Variants in HDAC1 observed in about 807,000 individuals in gnomAD.
HDAC1 encodes the protein histone deacetylase 1, also known as protein deacetylase HDAC1.
A neutral mutation model predicts 65.5 loss-of-function variants in HDAC1; 18 were observed. The ratio of observed to expected loss-of-function variants is 0.27; its 90% CI spans 0.19 to 0.41. HDAC1 has a LOEUF of 0.41. Among genes scored for constraint, HDAC1 ranks in the 10% least tolerant of loss-of-function variants. The pLI, the probability that HDAC1 is intolerant of heterozygous loss-of-function variation, is 1.00. For missense variants in HDAC1, 373 were observed against 625.2 expected (o/e 0.60, Z 4.30); for synonymous variants, 211 against 227.9 (o/e 0.93, Z 0.67).
intron 2 of HDAC1, among the ~76,000 whole-genome samples, chr1:32,312,179 C>T (rs893796506): frequency 6.6e-6 from 1 of 151,952 alleles, no homozygotes; most frequent in African/African-American, 2.4e-5. Flanking sequence ...CAGTATCTGT[C>T]GTTCAGTCTT....
chr1:32,306,851 C>A (rs1021950853), intron 2 of HDAC1, among the ~76,000 whole-genome samples: 1 of 152,072 alleles, frequency 6.6e-6, no homozygotes, highest in African/African-American at 2.4e-5. Context: ...TACATACATA[C>A]CTCTGATAAA....
At chr1:32,301,443 C>G (rs1424010242) in intron 1 of HDAC1, among the ~76,000 whole-genome samples, 3 of 146,138 alleles carry the variant, frequency 2.1e-5, no homozygotes, top group Non-Finnish European at 4.5e-5. Context: ...GAGACTCTGT[C>G]TCAAAAAAAT....
At chr1:32,294,601 A>G (rs1569996386) in intron 1 of HDAC1, among the ~76,000 whole-genome samples, 1 of 133,096 alleles carries the variant, frequency 7.5e-6, no homozygotes, top group Non-Finnish European at 1.5e-5. Context: ...TGCAAGCTCC[A>G]CCTCCCGGGT....
intron 1 of HDAC1, among the ~76,000 whole-genome samples, chr1:32,301,338 C>T (rs536427682): frequency 6.6e-6 from 1 of 152,010 alleles, no homozygotes. Context: ...CCCAGCTACT[C>T]GGGAGGCTGA....
In HDAC1 at chr1:32,327,963, A is replaced by G. The variant is rs1387900869; in HGVS notation, c.636+286A>G. On this transcript the variant is annotated intron_variant, in intron 6 of 13. Coordinates refer to ENST00000373548, the MANE Select transcript of HDAC1 (RefSeq NM_004964.3). The surrounding 1 kb of genome is among the most constrained non-coding windows in gnomAD (Gnocchi z 6.0). Reference sequence around the variant, plus strand: ...CTATTCTTATGTCTCATAAGCCTTGAGTTTGGGGGTAGGAATTGGGACTCT... The same window carrying G: ...CTATTCTTATGTCTCATAAGCCTTGGGTTTGGGGGTAGGAATTGGGACTCT... Among the ~76,000 whole-genome samples the G allele has an allele frequency of 2.6e-5, 4 of 152,030 alleles. No homozygotes were observed. Among genetic ancestry groups the G allele is most frequent in the Non-Finnish European group, 5.9e-5 (4 of 68,006 alleles).
rs977087712 is a variant in HDAC1 at position 32,306,665 on chromosome 1, G to T, written c.162+3932G>T. On this transcript the variant is annotated intron_variant, in intron 2 of 13. Coordinates refer to ENST00000373548, the MANE Select transcript of HDAC1 (RefSeq NM_004964.3). ...AGGTCTATGTAGATCTGATTCTGTTGTTTGTTGTTGTTTCTGTAGGATCCT... is the reference window on the plus strand; with the variant it reads ...AGGTCTATGTAGATCTGATTCTGTTTTTTGTTGTTGTTTCTGTAGGATCCT... Among the ~76,000 whole-genome samples, 4 of 151,934 alleles carry T rather than the reference G, an allele frequency of 2.6e-5. No individual in the cohort carries two copies. In the East Asian group the frequency reaches 7.7e-4, roughly 29 times the overall value.
At chr1:32,315,550 A>T (rs974868923) in intron 2 of HDAC1, among the ~76,000 whole-genome samples, 3 of 151,084 alleles carry the variant, frequency 2.0e-5, no homozygotes, top group African/African-American at 7.3e-5. Flanking sequence ...ACCAGATTTC[A>T]TCATATTGGT....
Position 32,327,296 on chromosome 1 carries a change from A to T in HDAC1, c.494+219A>T, listed in dbSNP as rs951264749. The T allele has an allele frequency of 3.2e-6, 2 of 618,058 alleles. No homozygotes were observed. The highest frequency in any genetic ancestry group is 5.7e-6 in the Non-Finnish European group (2 of 351,462). 38.3% of individuals were successfully genotyped at this position (618,058 alleles called of 1,614,324 possible). On this transcript the variant is annotated intron_variant, in intron 5 of 13. Coordinates refer to ENST00000373548, the MANE Select transcript of HDAC1 (RefSeq NM_004964.3). The surrounding 1 kb of genome is among the most constrained non-coding windows in gnomAD (Gnocchi z 6.0). ...GATGCTGCTCAGATCCTGCCTCCAG[A>T]GTGTCCCTGTGTGGCTGGAGTTGAC...
At chr1:32,302,268 G>C (rs1640858509) in intron 1 of HDAC1, among the ~76,000 whole-genome samples, 1 of 152,096 alleles carries the variant, frequency 6.6e-6, no homozygotes, top group Non-Finnish European at 1.5e-5. Context: ...ATTCTGAGTA[G>C]CGATGGTTAT....
intron 3 of HDAC1, among the ~76,000 whole-genome samples, chr1:32,317,377 A>G (rs77164299): frequency 1.7e-3 from 253 of 152,292 alleles, no homozygotes; most frequent in African/African-American, 5.6e-3. Context: ...GGGAAAAAAA[A>G]AGTATTCAAA....
At chr1:32,317,792 T>C (rs1641085002) in intron 3 of HDAC1, among the ~76,000 whole-genome samples, 1 of 152,202 alleles carries the variant, frequency 6.6e-6, no homozygotes, top group Non-Finnish European at 1.5e-5. Flanking sequence ...GCCTTTCCTG[T>C]AGATGGCTTT....
Position 32,330,346 on chromosome 1 carries a change from G to T in HDAC1, c.730-232G>T. The T allele has an allele frequency of 2.0e-6, 1 of 500,392 alleles. No individual in the cohort carries two copies. Among genetic ancestry groups the T allele is most frequent in the Non-Finnish European group, 3.6e-6 (1 of 274,742 alleles). The allele number at this position is 500,392 out of a possible 1,614,324, so 31.0% of individuals were successfully genotyped here. A position where few individuals can be genotyped will look rare whatever the true frequency, so the allele number is the denominator to read the frequency against. On this transcript the variant is annotated intron_variant, in intron 7 of 13. Transcript: ENST00000373548. This position sits in a 1 kb window ranked among gnomAD's most constrained non-coding sequence, Gnocchi z 4.2. ...GGAGTTGAGAGGGAGGCCATTCTAG[G>T]TTCAGTGTTACTAGAGTGTTAGAAG...
chr1:32,311,360 C>G (rs562062362), intron 2 of HDAC1, among the ~76,000 whole-genome samples: 1 of 152,048 alleles, frequency 6.6e-6, no homozygotes, highest in South Asian at 2.1e-4. Context: ...CCCAGCTACT[C>G]AGGAGTCTGA....
At chr1:32,306,506 G>C (rs1173993704) in intron 2 of HDAC1, among the ~76,000 whole-genome samples, 1 of 152,154 alleles carries the variant, frequency 6.6e-6, no homozygotes, top group Admixed American at 6.6e-5. Context: ...GCCTGGGCTA[G>C]AGTGCAGTGG....
chr1:32,332,963 T>C, intron 13 of HDAC1, 54 bp from the exon 14 acceptor site: 6 of 1,587,266 alleles, frequency 3.8e-6, no homozygotes, highest in Non-Finnish European at 4.3e-6. Flanking sequence ...TCTGCACTTT[T>C]GCCCTGAGGC....
intron 2 of HDAC1, among the ~76,000 whole-genome samples, chr1:32,315,439 A>G (rs377287215): frequency 5.3e-5 from 8 of 151,098 alleles, no homozygotes; most frequent in Non-Finnish European, 1.2e-4. Flanking sequence ...TGCAACCTCC[A>G]CCTCCCAGGT....
chr1:32,309,516 C>A (rs1640959752), intron 2 of HDAC1, among the ~76,000 whole-genome samples: 1 of 151,816 alleles, frequency 6.6e-6, no homozygotes, highest in African/African-American at 2.4e-5. Context: ...GTGAAACCCT[C>A]TCTCTACTAA....
intron 1 of HDAC1, among the ~76,000 whole-genome samples, chr1:32,294,164 A>G (rs1640735796): frequency 6.6e-6 from 1 of 151,674 alleles, no homozygotes; most frequent in Non-Finnish European, 1.5e-5. Context: ...ATTTTTTGAG[A>G]TGATGTCTAG....
At chr1:32,306,800 A>G (rs1640916799) in intron 2 of HDAC1, among the ~76,000 whole-genome samples, 1 of 152,154 alleles carries the variant, frequency 6.6e-6, no homozygotes, top group Non-Finnish European at 1.5e-5. Context: ...TCCTGAAACC[A>G]TGGATAGTAC....
Sources: gnomAD v4.1 joint callset for allele counts (sites outside exome capture counted in the v4.1 genomes callset) on GRCh38, gnomAD v4.1.1 for gene constraint, Gnocchi (gnomAD v3.1) non-coding constraint, MANE v1.5 for transcripts, NCBI Gene and HGNC (gene_info 2026-07-23, HGNC 2026-07-21) for gene names.